The following KCNT2 variants were observed in gnomAD, a reference collection of about 807,000 sequenced individuals.
KCNT2 encodes the protein potassium channel subfamily T member 2.
KCNT2 carries 67 observed loss-of-function variants against 153.8 expected under a neutral mutation model. That is an observed-to-expected ratio of 0.44 (90% CI 0.36 to 0.53). KCNT2 has a LOEUF of 0.53. Among genes scored for constraint, KCNT2 ranks in the 20% least tolerant of loss-of-function variants. The pLI is 0.00. For synonymous variants in KCNT2, 500 were observed against 458.8 expected (o/e 1.09, Z -1.15); for missense variants, 975 against 1,354.8 (o/e 0.72, Z 4.40).
chr1:196,327,237 A>G (rs952000510), intron 18 of KCNT2, among the ~76,000 whole-genome samples: 1 of 152,068 alleles, frequency 6.6e-6, no homozygotes, highest in Non-Finnish European at 1.5e-5. Flanking sequence ...CCAGAAATAT[A>G]GTAATATCAT....
intron 1 of KCNT2, among the ~76,000 whole-genome samples, chr1:196,603,069 A>G (rs1664935214): frequency 2.0e-5 from 3 of 151,546 alleles, no homozygotes; most frequent in Admixed American, 2.0e-4. Flanking sequence ...TACAGGCGTG[A>G]GCCACCGCGC....
At chr1:196,470,842 A>G (rs2148673381) in intron 5 of KCNT2, among the ~76,000 whole-genome samples, 1 of 147,928 alleles carries the variant, frequency 6.8e-6, no homozygotes, top group Non-Finnish European at 1.5e-5. Context: ...AGAATTTTAA[A>G]TTTTTGCATA....
At chr1:196,334,727 C>G (rs1342679492) in intron 16 of KCNT2, among the ~76,000 whole-genome samples, 1 of 151,924 alleles carries the variant, frequency 6.6e-6, no homozygotes, top group Non-Finnish European at 1.5e-5. Flanking sequence ...TACTTGAGAT[C>G]TGTAGAGAAG....
At chr1:196,596,073 TATATATATATATATATATATATATATATC>T (rs1382061683) in intron 1 of KCNT2, among the ~76,000 whole-genome samples, 492 of 4,736 alleles carry the variant, frequency 0.1, 17 homozygotes, top group Admixed American at 0.24. Flanking sequence ...TATATATATA[TATATATATATATATATATATATATATATC>T]ACATTTTCTT....
At chr1:196,313,899 C>T (rs1662443301) in intron 21 of KCNT2, among the ~76,000 whole-genome samples, 1 of 151,512 alleles carries the variant, frequency 6.6e-6, no homozygotes, top group South Asian at 2.1e-4. Context: ...CTGCTGAAGA[C>T]AGATAAGCCT....
chr1:196,484,719 G>A (rs573283368), intron 3 of KCNT2, among the ~76,000 whole-genome samples: 1 of 152,088 alleles, frequency 6.6e-6, no homozygotes, highest in South Asian at 2.1e-4. Context: ...ATAAGGAAGG[G>A]GTCCAGTTTC....
intron 14 of KCNT2, among the ~76,000 whole-genome samples, chr1:196,347,157 T>A (rs1666211178): frequency 6.6e-6 from 1 of 152,100 alleles, no homozygotes; most frequent in Admixed American, 6.6e-5. Context: ...TTATTTCCAT[T>A]CTTGAGGCTA....
chr1:196,593,361 T>C (rs746548632), intron 1 of KCNT2, among the ~76,000 whole-genome samples: 15 of 150,020 alleles, frequency 1.0e-4, no homozygotes, highest in Non-Finnish European at 1.8e-4. Context: ...TGTATATATG[T>C]ATTTTTTTAT....
At chr1:196,543,638 A>T (rs1193727667) in intron 1 of KCNT2, among the ~76,000 whole-genome samples, 1 of 152,158 alleles carries the variant, frequency 6.6e-6, no homozygotes, top group African/African-American at 2.4e-5. Flanking sequence ...ATTTTCTATA[A>T]TTTTCTGGAT....
intron 21 of KCNT2, among the ~76,000 whole-genome samples, chr1:196,313,843 G>C (rs116688712): frequency 0.012 from 1,813 of 151,540 alleles, 18 homozygotes; most frequent in Non-Finnish European, 0.019. Context: ...ATTCAGTCTA[G>C]ATTACTATAT....
At chr1:196,606,758 T>C (rs534021511) in intron 1 of KCNT2, among the ~76,000 whole-genome samples, 9 of 152,330 alleles carry the variant, frequency 5.9e-5, no homozygotes, top group African/African-American at 1.9e-4. Flanking sequence ...CTATTCTATA[T>C]AATGATCCTG....
chr1:196,582,965 A>T (rs1160369349), intron 1 of KCNT2, among the ~76,000 whole-genome samples: 1 of 152,102 alleles, frequency 6.6e-6, no homozygotes, highest in Non-Finnish European at 1.5e-5. Context: ...GCCTTCCTAA[A>T]ATGCTGAGAT....
intron 1 of KCNT2, among the ~76,000 whole-genome samples, chr1:196,569,534 C>T (rs1249045784): frequency 1.3e-5 from 2 of 152,112 alleles, no homozygotes; most frequent in Non-Finnish European, 2.9e-5. Flanking sequence ...GCTATCATTT[C>T]ATTTGTTTCA....
intron 14 of KCNT2, among the ~76,000 whole-genome samples, chr1:196,367,833 A>T (rs138294741): frequency 3.3e-5 from 5 of 152,296 alleles, no homozygotes; most frequent in African/African-American, 1.2e-4. Context: ...ATTATATGTT[A>T]AAAGGCAATG....
At chr1:196,234,643 C>T (rs1019897899) in intron 27 of KCNT2, among the ~76,000 whole-genome samples, 4 of 151,300 alleles carry the variant, frequency 2.6e-5, no homozygotes, top group African/African-American at 7.3e-5. Context: ...TCACTCCAGT[C>T]GAAATCTTCC....
chr1:196,285,576 C>T (rs766622208), intron 23 of KCNT2, 81 bp downstream of exon 23: 12 of 781,442 alleles, frequency 1.5e-5, no homozygotes, highest in Non-Finnish European at 2.5e-5. Context: ...GCATGTGAAA[C>T]ACTAGATGTA....
intron 12 of KCNT2, among the ~76,000 whole-genome samples, chr1:196,418,687 A>G (rs182814345): frequency 1.3e-5 from 2 of 152,144 alleles, no homozygotes; most frequent in African/African-American, 4.8e-5. Flanking sequence ...CTCCTCTTAC[A>G]AGGACATCAG....
intron 12 of KCNT2, 62 bp downstream of exon 12, chr1:196,422,988 A>T: frequency 8.8e-7 from 1 of 1,142,088 alleles, no homozygotes; most frequent in Non-Finnish European, 1.2e-6. Context: ...TAAAAACTCA[A>T]ATTAAAAAAA....
chr1:196,511,412 T>G (rs1194032142), intron 1 of KCNT2, among the ~76,000 whole-genome samples: 1 of 152,128 alleles, frequency 6.6e-6, no homozygotes, highest in African/African-American at 2.4e-5. Flanking sequence ...GGCAACATCA[T>G]CATTGCATGA....
Sources: gnomAD v4.1 joint callset for allele counts (sites outside exome capture counted in the v4.1 genomes callset) on GRCh38, gnomAD v4.1.1 for gene constraint, MANE v1.5 for transcripts, NCBI Gene and HGNC (gene_info 2026-07-23, HGNC 2026-07-21) for gene names.